TOP1: variants seen among roughly 807,000 people sequenced by gnomAD.
The protein encoded by TOP1 is DNA topoisomerase I.
TOP1 carries 10 observed loss-of-function variants against 111.1 expected under a neutral mutation model. That is an observed-to-expected ratio of 0.09 (90% CI 0.06 to 0.15). The LOEUF (loss-of-function observed/expected upper bound fraction) is 0.15, where lower values mean the gene tolerates loss of function less well. Among genes scored for constraint, TOP1 ranks in the 10% least tolerant of loss-of-function variants. TOP1 has a pLI of 1.00. For synonymous variants in TOP1, 271 were observed against 302.9 expected, an observed-to-expected ratio of 0.89 and a Z score of 1.10; for missense variants, 474 against 926.7, an observed-to-expected ratio of 0.51 and a Z score of 6.34.
intron 18 of TOP1, among the ~76,000 whole-genome samples, chr20:41,119,995 G>A (rs1164087998): frequency 2.0e-5 from 3 of 152,358 alleles, no homozygotes; most frequent in Admixed American, 6.5e-5. Context: ...CTCTGGAACC[G>A]GGTTTGGGCA....
chr20:41,039,706 AG>A (rs1440488055), intron 2 of TOP1, among the ~76,000 whole-genome samples: 2 of 152,116 alleles, frequency 1.3e-5, no homozygotes, highest in African/African-American at 4.8e-5. Flanking sequence ...CAGGAGATCG[AG>A]ACCATCCTGG....
intron 13 of TOP1, among the ~76,000 whole-genome samples, chr20:41,103,615 C>G (rs1410101051): frequency 4.6e-5 from 7 of 151,710 alleles, no homozygotes; most frequent in Non-Finnish European, 8.8e-5. Context: ...CAGGGATGGC[C>G]TTTCTGAAGA....
chr20:41,054,989 A>G (rs921330795), intron 2 of TOP1, among the ~76,000 whole-genome samples: 1 of 152,232 alleles, frequency 6.6e-6, no homozygotes, highest in African/African-American at 2.4e-5. Flanking sequence ...TTAGGTAACA[A>G]TAGCAAAAGA....
At chr20:41,054,298 C>T (rs1319017914) in intron 2 of TOP1, among the ~76,000 whole-genome samples, 5 of 151,906 alleles carry the variant, frequency 3.3e-5, no homozygotes, top group African/African-American at 1.2e-4. Flanking sequence ...GGCTTCCCCA[C>T]CCCGCCCCCG....
chr20:41,077,465 C>T (rs2033741857), intron 4 of TOP1, 117 bp from the exon 5 acceptor site: 2 of 816,304 alleles, frequency 2.5e-6, no homozygotes, highest in Non-Finnish European at 4.1e-6. Flanking sequence ...GTTTTGGTAA[C>T]ATAAGAGCCA....
intron 2 of TOP1, among the ~76,000 whole-genome samples, chr20:41,054,073 T>G (rs2033438558): frequency 6.6e-6 from 1 of 152,222 alleles, no homozygotes; most frequent in African/African-American, 2.4e-5. Flanking sequence ...AGAGGTGATA[T>G]ATGTAATACT....
chr20:41,086,935 A>C (rs955941499), intron 8 of TOP1, among the ~76,000 whole-genome samples: 3 of 152,164 alleles, frequency 2.0e-5, no homozygotes, highest in African/African-American at 7.2e-5. Flanking sequence ...TGTGTATCAT[A>C]CTCTGAAGTC....
At chr20:41,035,917 A>T (rs960352202) in intron 2 of TOP1, among the ~76,000 whole-genome samples, 1 of 152,168 alleles carries the variant, frequency 6.6e-6, no homozygotes, top group Non-Finnish European at 1.5e-5. Flanking sequence ...AAGACCTTTT[A>T]CTTAACCTGA....
chr20:41,076,386 T>C (rs2033727690), intron 4 of TOP1, 92 bp downstream of exon 4: 1 of 1,484,178 alleles, frequency 6.7e-7, no homozygotes, highest in Admixed American at 2.3e-5. Context: ...TAAGATCCCT[T>C]GGTCTTGAAG....
At position 41,080,047 on chromosome 20, in the gene TOP1, G is replaced by T; in HGVS notation, c.336-38G>T. 8.3e-7 allele frequency: 1 copy of T among 1,210,788 alleles called. No homozygotes were observed. Among genetic ancestry groups the T allele is most frequent in the Non-Finnish European group, 1.2e-6 (1 of 822,636 alleles). The allele number at this position is 1,210,788 out of a possible 1,614,324, so 75.0% of individuals were successfully genotyped here. On this transcript the variant is annotated intron_variant, in intron 5 of 20. Coordinates refer to ENST00000361337, the MANE Select transcript of TOP1 (RefSeq NM_003286.4). This position sits in a 1 kb window ranked among gnomAD's most constrained non-coding sequence, Gnocchi z 5.0. ...TTCTTTGTATTAATAGAATACAGAT[G>T]TTCTAGCACTCTGACCAGCAATTTT... is the stretch of plus-strand genomic sequence containing the variant.
chr20:41,114,632 C>T lies in TOP1; in HGVS notation c.1638+477C>T, dbSNP rs1446926791. Among the ~76,000 whole-genome samples, 1 of 152,126 alleles carries T rather than the reference C, an allele frequency of 6.6e-6. No individual in the cohort carries two copies. Among genetic ancestry groups the T allele is most frequent in the African/African-American group, 2.4e-5 (1 of 41,412 alleles). On this transcript the variant is annotated intron_variant, in intron 15 of 20. Coordinates refer to ENST00000361337, the MANE Select transcript of TOP1 (RefSeq NM_003286.4). The surrounding 1 kb of genome is among the most constrained non-coding windows in gnomAD (Gnocchi z 4.5). ...TATGATTTAACTATATCTTAGTATC[C>T]CCTGGTCATGTGGTACATTTGTCAC...
intron 2 of TOP1, among the ~76,000 whole-genome samples, chr20:41,047,993 C>CT (rs1305644390): frequency 6.6e-6 from 1 of 151,896 alleles, no homozygotes; most frequent in Non-Finnish European, 1.5e-5. Flanking sequence ...CCTTAAGTAG[C>CT]TTTTCCTTCT....
chr20:41,097,149 G>A lies in TOP1; in HGVS notation c.731-71G>A, dbSNP rs1011740000. 84 of 1,545,376 alleles carry A rather than the reference G, an allele frequency of 5.4e-5. No individual in the cohort carries two copies. The highest frequency in any genetic ancestry group is 5.3e-4 in the South Asian group (44 of 83,588). ...GGCAAACCATTATTAAAGAGAATTC[G>A]CTAGCCCTGGGTATTTATGCTTAGA... On this transcript the variant is annotated intron_variant, in intron 9 of 20. Coordinates refer to ENST00000361337, the MANE Select transcript of TOP1 (RefSeq NM_003286.4). This position sits in a 1 kb window ranked among gnomAD's most constrained non-coding sequence, Gnocchi z 4.2.
At chr20:41,113,759 T>C (rs2034282622) in intron 14 of TOP1, among the ~76,000 whole-genome samples, 1 of 150,316 alleles carries the variant, frequency 6.7e-6, no homozygotes, top group Non-Finnish European at 1.5e-5. Flanking sequence ...GGCGGGCGCC[T>C]GTAGTCCCAG....
chr20:41,123,243 G>T lies in TOP1; in HGVS notation c.2244G>T (p.Gln748His). The change falls in exon 21 of 21, where the codon CAG becomes CAT. Residue 748 changes from glutamine (Q) to histidine (H), a missense_variant. By Grantham distance (24) the Gln-to-His change is conservative. Transcript: ENST00000361337. This position sits in a 1 kb window ranked among gnomAD's most constrained non-coding sequence, Gnocchi z 5.8. ...VPIEKIYNKTQREKFAWAIDM... is the reference protein window; with the variant it reads ...VPIEKIYNKTHREKFAWAIDM... ...TTGAGAAGATTTACAACAAAACCCA[G>T]CGGGAGAAGTTTGCCTGGGCCATTG... is the stretch of plus-strand genomic sequence containing the variant. 1 of 1,614,168 alleles carries T rather than the reference G, an allele frequency of 6.2e-7. No individual in the cohort carries two copies. The highest frequency in any genetic ancestry group is 8.5e-7 in the Non-Finnish European group (1 of 1,180,012).
chr20:41,111,275 T>G (rs1224411354), intron 13 of TOP1, among the ~76,000 whole-genome samples: 3 of 152,212 alleles, frequency 2.0e-5, no homozygotes, highest in African/African-American at 7.2e-5. Flanking sequence ...TACTGACTTG[T>G]GCATGAGGAC....
rs1397783082 is a variant in TOP1 at position 41,080,046 on chromosome 20, T to C, written c.336-39T>C. 2.5e-6 allele frequency: 3 copies of C among 1,176,814 alleles called. No homozygotes were observed. Among genetic ancestry groups the C allele is most frequent in the Non-Finnish European group, 2.5e-6 (2 of 793,270 alleles). 72.9% of individuals were successfully genotyped at this position (1,176,814 alleles called of 1,614,324 possible). On this transcript the variant is annotated intron_variant, in intron 5 of 20. Transcript: ENST00000361337. The surrounding 1 kb of genome is among the most constrained non-coding windows in gnomAD (Gnocchi z 5.0). The stretch of plus-strand genomic sequence containing the variant: ...CTTCTTTGTATTAATAGAATACAGA[T>C]GTTCTAGCACTCTGACCAGCAATTT...
At position 41,029,835 on chromosome 20, in the gene TOP1, C is replaced by G. The variant is rs1413347851; in HGVS notation, c.58+380C>G. The stretch of plus-strand genomic sequence containing the variant: ...GTGTCTCTTTCTCTCCCTCCCTCGG[C>G]TCTTTCCTTGAGCTGCCCAGAATGA... On this transcript the variant is annotated intron_variant, in intron 2 of 20. Coordinates refer to ENST00000361337, the MANE Select transcript of TOP1 (RefSeq NM_003286.4). The surrounding 1 kb of genome is among the most constrained non-coding windows in gnomAD (Gnocchi z 6.1). 1 of 295,956 alleles carries G rather than the reference C, an allele frequency of 3.4e-6. No homozygotes were observed. Among genetic ancestry groups the G allele is most frequent in the Non-Finnish European group, 6.5e-6 (1 of 153,076 alleles). 18.3% of individuals were successfully genotyped at this position (295,956 alleles called of 1,614,324 possible).
At chr20:41,045,590 C>T (rs1336134558) in intron 2 of TOP1, among the ~76,000 whole-genome samples, 1 of 152,134 alleles carries the variant, frequency 6.6e-6, no homozygotes, top group Non-Finnish European at 1.5e-5. Context: ...AACAGATGAA[C>T]TTATATTTAT....
Sources: gnomAD v4.1 joint callset for allele counts (sites outside exome capture counted in the v4.1 genomes callset) on GRCh38, gnomAD v4.1.1 for gene constraint, Gnocchi (gnomAD v3.1) non-coding constraint, MANE v1.5 for transcripts, NCBI Gene and HGNC (gene_info 2026-07-23, HGNC 2026-07-21) for gene names.